ABCB5: variants seen among roughly 807,000 people sequenced by gnomAD.
The protein encoded by ABCB5 is ATP binding cassette subfamily B member 5.
A neutral mutation model predicts 144.2 loss-of-function variants in ABCB5; 155 were observed. The observed-to-expected ratio is 1.08, with a 90% CI of 0.94 to 1.23. ABCB5 has a LOEUF of 1.23. Among genes scored for constraint, ABCB5 ranks in the 50% most tolerant of loss-of-function variants. The pLI is 0.00. For synonymous variants in ABCB5, 610 were observed against 528.6 expected, an observed-to-expected ratio of 1.15 and a Z score of -2.11; for missense variants, 1,830 against 1,520.8, an observed-to-expected ratio of 1.20 and a Z score of -3.38.
At chr7:20,736,496 A>C (rs1428522898) in intron 23 of ABCB5, among the ~76,000 whole-genome samples, 1 of 152,182 alleles carries the variant, frequency 6.6e-6, no homozygotes, top group Non-Finnish European at 1.5e-5. Context: ...AATTACAGGC[A>C]TGAACCACTG....
chr7:20,736,826 A>G (rs1011921237), intron 23 of ABCB5, among the ~76,000 whole-genome samples: 3 of 151,774 alleles, frequency 2.0e-5, no homozygotes, highest in Non-Finnish European at 4.4e-5. Flanking sequence ...GTAGCAGACC[A>G]GTTTTTTCCA....
chr7:20,739,106 T>C lies in ABCB5; in HGVS notation c.2991T>C (p.Asn997=), dbSNP rs1350014524. Residue 997 remains asparagine, a synonymous_variant, in exon 24 of 28, where the codon AAT becomes AAC. Coordinates refer to ENST00000404938, the MANE Select transcript of ABCB5 (RefSeq NM_001163941.2). ...TTGCCTTGTTGGAAAAGAAACCAAA[T>C]ATAGACAGCCGCAGTCAAGAAGGGA... ...HLFALLEKKP[N]IDSRSQEGKK... 1 of 1,607,512 alleles carries C rather than the reference T, an allele frequency of 6.2e-7. No homozygotes were observed. Among genetic ancestry groups the C allele is most frequent in the African/African-American group, 1.3e-5 (1 of 74,500 alleles).
At chr7:20,684,325 G>C (rs1233685613) in intron 15 of ABCB5, among the ~76,000 whole-genome samples, 1 of 152,124 alleles carries the variant, frequency 6.6e-6, no homozygotes. Context: ...TCATTATTTT[G>C]TCCAGCGACC....
chr7:20,747,150 C>T (rs977593986), intron 26 of ABCB5, among the ~76,000 whole-genome samples: 76 of 152,208 alleles, frequency 5.0e-4, no homozygotes, highest in Admixed American at 5.9e-4. Context: ...ATGGCAACTT[C>T]CTTTTTAACC....
chr7:20,668,889 G>T (rs1224259449), intron 14 of ABCB5, among the ~76,000 whole-genome samples: 12 of 123,340 alleles, frequency 9.7e-5, no homozygotes, highest in African/African-American at 3.6e-4. Context: ...CCCCGTCCGG[G>T]AGGTGTGGGG....
chr7:20,701,141 C>T (rs747388653), intron 19 of ABCB5, among the ~76,000 whole-genome samples: 2 of 152,172 alleles, frequency 1.3e-5, no homozygotes, highest in African/African-American at 4.8e-5. Flanking sequence ...TGGAGACACT[C>T]CTTAATCCAG....
At chr7:20,646,216 G>T in intron 9 of ABCB5, 78 bp downstream of exon 9, 2 of 1,359,134 alleles carry the variant, frequency 1.5e-6, no homozygotes, top group Non-Finnish European at 1.0e-6. Context: ...CCTCTTTGAA[G>T]ATAAATATTC....
Position 20,755,219 on chromosome 7 carries a change from G to A in ABCB5, c.3577-208G>A, listed in dbSNP as rs529202447. Among the ~76,000 whole-genome samples, 9 of 152,318 alleles carry A rather than the reference G, an allele frequency of 5.9e-5. 1 individual carries two copies. In the South Asian group the frequency reaches 8.3e-4, roughly 14 times the overall value. On this transcript the variant is annotated intron_variant, in intron 27 of 27. Coordinates refer to ENST00000404938, the MANE Select transcript of ABCB5 (RefSeq NM_001163941.2). Reference sequence around the variant, plus strand: ...CTGCCTTGGCCTCCCAAAGTGCTGGGATTACAGGCATGAGCCAATGTGCCC... The same window carrying A: ...CTGCCTTGGCCTCCCAAAGTGCTGGAATTACAGGCATGAGCCAATGTGCCC...
rs1783968045 is a variant in ABCB5, at chr7:20,628,836, CAAGT to C, written c.258_259+2del. ...AGTGGATGTCTAGTCCAAACTAACA[CAAGT>C]GAGTATACGATTATTTTTCTGTATC... On this transcript the variant is annotated splice_donor_variant and coding_sequence_variant, in exon 4 of 28. Transcript: ENST00000404938. LOFTEE classifies it high-confidence loss of function. 1 of 1,613,202 alleles carries C rather than the reference CAAGT, an allele frequency of 6.2e-7. No individual in the cohort carries two copies. The highest frequency in any genetic ancestry group is 1.3e-5 in the African/African-American group (1 of 74,858).
chr7:20,670,631 C>T (rs964959406), intron 14 of ABCB5, among the ~76,000 whole-genome samples: 5 of 152,160 alleles, frequency 3.3e-5, no homozygotes, highest in South Asian at 2.1e-4. Context: ...GCAAGCTGGC[C>T]GGGTGCGGTG....
At chr7:20,666,791 C>A in intron 14 of ABCB5, 1 of 1,594,514 alleles carries the variant, frequency 6.3e-7, no homozygotes, top group South Asian at 1.2e-5. Flanking sequence ...TATTGATAAT[C>A]TACCACACTA....
chr7:20,670,665 T>G (rs1481887126), intron 14 of ABCB5, among the ~76,000 whole-genome samples: 1 of 152,150 alleles, frequency 6.6e-6, no homozygotes, highest in African/African-American at 2.4e-5. Flanking sequence ...ATCCCAGCAC[T>G]TTGGGAGACC....
At chr7:20,717,422 G>T (rs1781709948) in intron 20 of ABCB5, among the ~76,000 whole-genome samples, 1 of 150,230 alleles carries the variant, frequency 6.7e-6, no homozygotes, top group Non-Finnish European at 1.5e-5. Context: ...AGTGTCTGCT[G>T]TGTCCAGATT....
chr7:20,753,132 G>A (rs1445483434), intron 26 of ABCB5, among the ~76,000 whole-genome samples: 2 of 152,136 alleles, frequency 1.3e-5, no homozygotes, highest in Admixed American at 6.6e-5. Flanking sequence ...AAGCATAATG[G>A]CAGAGGTCTG....
At chr7:20,705,581 G>C (rs1786794562) in intron 20 of ABCB5, among the ~76,000 whole-genome samples, 2 of 152,120 alleles carry the variant, frequency 1.3e-5, no homozygotes, top group South Asian at 4.1e-4. Context: ...TAGAGTTATA[G>C]GCTTTCCTTT....
intron 20 of ABCB5, among the ~76,000 whole-genome samples, chr7:20,711,778 C>CTCTTTCTTTCTTTCTT (rs1174731019): frequency 0.048 from 2,270 of 46,832 alleles, 162 homozygotes; most frequent in Middle Eastern, 0.07. Context: ...TTCCTTCTTT[C>CTCTTTCTTTCTTTCTT]TCTTTCTTTC....
rs533888061 is a variant in ABCB5 at position 20,711,146 on chromosome 7, C to T, written c.2421+6339C>T. 3.9e-5 allele frequency among the ~76,000 whole-genome samples: 4 copies of T among 101,734 alleles called. 1 individual carries two copies. In the East Asian group the frequency reaches 3.1e-3, roughly 79 times the overall value. The allele number at this position is 101,734 out of a possible 152,430, so 66.7% of individuals were successfully genotyped here. A position where few individuals can be genotyped will look rare whatever the true frequency, so the allele number is the denominator to read the frequency against. On this transcript the variant is annotated intron_variant, in intron 20 of 27. Transcript: ENST00000404938. Reference sequence around the variant, plus strand: ...CTATATATGTAATAAACCCATACTACATTGTAATTATTTTTGCTTAACAAT... The same window carrying T: ...CTATATATGTAATAAACCCATACTATATTGTAATTATTTTTGCTTAACAAT...
rs769331955 is a variant in ABCB5, at chr7:20,622,819, G to A, written c.-21-446G>A. Among the ~76,000 whole-genome samples, 33 of 151,934 alleles carry A rather than the reference G, an allele frequency of 2.2e-4. 1 individual carries two copies. Among genetic ancestry groups the A allele is most frequent in the South Asian group, 2.1e-4 (1 of 4,820 alleles). ...GAAAGCTCCAAACTTTGTTTGTTTC[G>A]TAAACTAGAAAACCCTATTCCCTCA... On this transcript the variant is annotated intron_variant, in intron 1 of 27. Transcript: ENST00000404938.
rs1480779438 is a variant in ABCB5 at position 20,711,361 on chromosome 7, T to G, written c.2421+6554T>G. ...CTTGATAGTGACTAATTATTTCAGG[T>G]TTTTTATGCCTGAAAAGTCTTTATT... On this transcript the variant is annotated intron_variant, in intron 20 of 27. Coordinates refer to ENST00000404938, the MANE Select transcript of ABCB5 (RefSeq NM_001163941.2). Among the ~76,000 whole-genome samples, 8 of 149,632 alleles carry G rather than the reference T, an allele frequency of 5.3e-5. 1 individual carries two copies. Among genetic ancestry groups the G allele is most frequent in the African/African-American group, 2.0e-4 (8 of 40,466 alleles).
Sources: allele counts gnomAD v4.1 joint callset (sites outside exome capture counted in the v4.1 genomes callset), GRCh38; gene constraint gnomAD v4.1.1; transcripts MANE v1.5; gene names NCBI Gene and HGNC (gene_info 2026-07-23, HGNC 2026-07-21).